Variants in CAMSAP2 observed in about 807,000 individuals in gnomAD.
CAMSAP2 encodes the protein calmodulin regulated spectrin associated protein family member 2.
Under a neutral mutation model 146.1 loss-of-function variants are expected in CAMSAP2, and 26 were observed. That is an observed-to-expected ratio of 0.18 (90% CI 0.13 to 0.25). The LOEUF (loss-of-function observed/expected upper bound fraction) is 0.25, where lower values mean the gene tolerates loss of function less well. CAMSAP2 is among the 10% of genes least tolerant of loss of function. The pLI is 1.00. For missense variants in CAMSAP2, 1,381 were observed against 1,759.3 expected (o/e 0.78, Z 3.85); for synonymous variants, 499 against 596.6 (o/e 0.84, Z 2.38).
At chr1:200,768,178 T>C (rs1276532664) in intron 2 of CAMSAP2, among the ~76,000 whole-genome samples, 1 of 152,138 alleles carries the variant, frequency 6.6e-6, no homozygotes, top group East Asian at 1.9e-4. Flanking sequence ...GTTTTAGGAG[T>C]GTAAAGGCAC....
intron 2 of CAMSAP2, among the ~76,000 whole-genome samples, chr1:200,766,112 A>G (rs1023181811): frequency 6.6e-6 from 1 of 150,574 alleles, no homozygotes; most frequent in Admixed American, 6.6e-5. Flanking sequence ...GATTTTATCT[A>G]TTGTTTATTT....
chr1:200,808,926 T>C (rs776574291), intron 3 of CAMSAP2, among the ~76,000 whole-genome samples: 1 of 152,204 alleles, frequency 6.6e-6, no homozygotes, highest in Non-Finnish European at 1.5e-5. Context: ...ACAGCTCAGA[T>C]GGTTTAGCTT....
intron 4 of CAMSAP2, among the ~76,000 whole-genome samples, chr1:200,822,444 T>C (rs753598916): frequency 3.3e-5 from 5 of 152,218 alleles, no homozygotes; most frequent in Non-Finnish European, 7.3e-5. Context: ...AATCGGGCTA[T>C]TTTAATAGAA....
chr1:200,758,393 A>G (rs1010274267), intron 1 of CAMSAP2, among the ~76,000 whole-genome samples: 2 of 152,218 alleles, frequency 1.3e-5, no homozygotes, highest in African/African-American at 4.8e-5. Flanking sequence ...GTTTCTGTTT[A>G]TTTCCTACAA....
At chr1:200,847,929 C>T in intron 10 of CAMSAP2, 103 bp from the exon 11 acceptor site, 1 of 916,020 alleles carries the variant, frequency 1.1e-6, no homozygotes, top group Non-Finnish European at 1.6e-6. Flanking sequence ...ATTATGAGAA[C>T]TGGGGAAAGA....
chr1:200,762,062 G>A lies in CAMSAP2; in HGVS notation c.399+964G>A, dbSNP rs564703671. Among the ~76,000 whole-genome samples the A allele has an allele frequency of 2.0e-5, 3 of 152,336 alleles. No individual in the cohort carries two copies. The South Asian group carries it at 6.2e-4, about 32-fold the overall frequency. On this transcript the variant is annotated intron_variant, in intron 2 of 16. Coordinates refer to ENST00000358823, the MANE Select transcript of CAMSAP2 (RefSeq NM_203459.4). Reference sequence around the variant, plus strand: ...TACTCGATTAAATCAAAGAGTAGTAGTTTTGCTTGGGAGGAAGGTAAGGTG... The same window carrying A: ...TACTCGATTAAATCAAAGAGTAGTAATTTTGCTTGGGAGGAAGGTAAGGTG...
chr1:200,752,131 T>C (rs115709852), intron 1 of CAMSAP2, among the ~76,000 whole-genome samples: 416 of 152,284 alleles, frequency 2.7e-3, no homozygotes, highest in African/African-American at 9.2e-3. Flanking sequence ...AATTAAACAT[T>C]AATGCATGAC....
intron 8 of CAMSAP2, among the ~76,000 whole-genome samples, chr1:200,846,270 A>G (rs1201105104): frequency 6.6e-6 from 1 of 152,210 alleles, no homozygotes; most frequent in African/African-American, 2.4e-5. Context: ...GCTCTATTAA[A>G]TCTTTAAATT....
intron 4 of CAMSAP2, among the ~76,000 whole-genome samples, chr1:200,824,021 G>C (rs1393123562): frequency 6.6e-6 from 1 of 152,036 alleles, no homozygotes. Flanking sequence ...TTTGGGGTTG[G>C]CTTTGGTATC....
At chr1:200,773,951 ATAAAT>A (rs1280815253) in intron 2 of CAMSAP2, among the ~76,000 whole-genome samples, 1 of 140,746 alleles carries the variant, frequency 7.1e-6, no homozygotes, top group Admixed American at 7.3e-5. Flanking sequence ...ATAAAATAAA[ATAAAT>A]TATTGGAGCA....
chr1:200,766,178 CTG>C (rs1219553318), intron 2 of CAMSAP2, among the ~76,000 whole-genome samples: 1 of 147,048 alleles, frequency 6.8e-6, no homozygotes, highest in Non-Finnish European at 1.5e-5. Context: ...GGATCTCACT[CTG>C]TTGCCCAGGC....
chr1:200,855,981 A>G, intron 14 of CAMSAP2, 29 bp from the exon 15 acceptor site: 1 of 1,472,984 alleles, frequency 6.8e-7, no homozygotes, highest in Non-Finnish European at 9.5e-7. Flanking sequence ...TCTGTTTGAG[A>G]CATAAAACAT....
At chr1:200,771,172 A>C (rs537981675) in intron 2 of CAMSAP2, among the ~76,000 whole-genome samples, 1 of 152,304 alleles carries the variant, frequency 6.6e-6, no homozygotes, top group African/African-American at 2.4e-5. Context: ...AAGGGAGAAA[A>C]GGGGATTGTT....
At chr1:200,828,750 G>C (rs1181389791) in intron 4 of CAMSAP2, 2 of 741,260 alleles carry the variant, frequency 2.7e-6, no homozygotes, top group African/African-American at 1.8e-5. Flanking sequence ...AAAATGGAAA[G>C]ATAAAAGATA....
At chr1:200,816,295 A>C (rs1036033455) in intron 4 of CAMSAP2, among the ~76,000 whole-genome samples, 3 of 149,656 alleles carry the variant, frequency 2.0e-5, no homozygotes, top group Admixed American at 2.0e-4. Context: ...CTCAAACAAA[A>C]AAAATATATA....
Position 200,858,013 on chromosome 1 carries a change from C to T in CAMSAP2, c.4391C>T (p.Thr1464Ile). 6.2e-7 allele frequency: 1 copy of T among 1,608,206 alleles called. No individual in the cohort carries two copies. ...AITIHSHLWQ[T>I]KRPVTPKKLL... is the part of the protein sequence containing the mutation. Reference sequence around the variant, plus strand: ...ACCATTCATAGCCATTTATGGCAGACCAAAAGACCAGTAACACCCAAAAAA... The same window carrying T: ...ACCATTCATAGCCATTTATGGCAGATCAAAAGACCAGTAACACCCAAAAAA... The change falls in exon 17 of 17, where the codon ACC becomes ATC. Residue 1464 changes from threonine to isoleucine, a missense_variant. Around this residue, in one of 4 missense-constraint regions of CAMSAP2, gnomAD observed 90 missense variants for 174.4 expected, o/e 0.52. Coordinates refer to ENST00000358823, the MANE Select transcript of CAMSAP2 (RefSeq NM_203459.4).
At chr1:200,768,206 TTCAA>T (rs1665010404) in intron 2 of CAMSAP2, among the ~76,000 whole-genome samples, 1 of 152,214 alleles carries the variant, frequency 6.6e-6, no homozygotes, top group Non-Finnish European at 1.5e-5. Context: ...TGTACTACAC[TTCAA>T]CTGAGTTTTG....
At chr1:200,814,502 C>T (rs1366006618) in intron 3 of CAMSAP2, among the ~76,000 whole-genome samples, 1 of 149,258 alleles carries the variant, frequency 6.7e-6, no homozygotes, top group Non-Finnish European at 1.5e-5. Flanking sequence ...CCCAGTTACT[C>T]AGGAGGTTGA....
At chr1:200,835,989 G>T (rs1667174966) in intron 6 of CAMSAP2, among the ~76,000 whole-genome samples, 1 of 151,906 alleles carries the variant, frequency 6.6e-6, no homozygotes, top group Admixed American at 6.6e-5. Flanking sequence ...CTTAAATTAG[G>T]TATATTTAAA....
Sources: gnomAD v4.1 joint callset for allele counts (sites outside exome capture counted in the v4.1 genomes callset) on GRCh38, gnomAD v4.1.1 for gene constraint, gnomAD v4.1.1 regional missense constraint, MANE v1.5 for transcripts, NCBI Gene and HGNC (gene_info 2026-07-23, HGNC 2026-07-21) for gene names.